Variants in FBXL20 observed in about 807,000 individuals in gnomAD.
The protein encoded by FBXL20 is F-box and leucine rich repeat protein 20, also known as F-box/LRR-repeat protein 20.
In FBXL20, 11 loss-of-function variants were observed where a neutral mutation model predicts 64.0. The ratio of observed to expected loss-of-function variants is 0.17; its 90% CI spans 0.11 to 0.28. The LOEUF (loss-of-function observed/expected upper bound fraction) is 0.28. FBXL20 is among the 10% of genes least tolerant of loss of function. The probability of loss-of-function intolerance (pLI) is 1.00; values close to 1 mark genes in which losing one functional copy is unlikely to be tolerated. For synonymous variants in FBXL20, 184 were observed against 189.0 expected (o/e 0.97, Z 0.22); for missense variants, 303 against 526.2 (o/e 0.58, Z 4.15).
Position 39,295,816 on chromosome 17 carries a change from T to C in FBXL20, c.398+1311A>G, listed in dbSNP as rs544479111. Among the ~76,000 whole-genome samples, 136 of 150,670 alleles carry C rather than the reference T, an allele frequency of 9.0e-4. No homozygotes were observed. The Middle Eastern group carries it at 0.018, about 20-fold the overall frequency. The stretch of plus-strand genomic sequence containing the variant: ...ATATATATATATATATTAAGTCTTC[T>C]GGCCCTATAAAAGGTGTATTATACA... On this transcript the variant is annotated intron_variant, in intron 6 of 14. Transcript: ENST00000264658.
chr17:39,272,068 C>T lies in FBXL20; in HGVS notation c.828-1212G>A, dbSNP rs151084801. Among the ~76,000 whole-genome samples the T allele has an allele frequency of 1.8e-4, 27 of 151,806 alleles. No individual in the cohort carries two copies. The East Asian group carries it at 2.5e-3, about 14-fold the overall frequency. ...GTTCAAGACCAGCCTGGGCAACATACCAAGACTTCACCAGTATAAAAAAAT... is the reference window on the plus strand; with the variant it reads ...GTTCAAGACCAGCCTGGGCAACATATCAAGACTTCACCAGTATAAAAAAAT... On this transcript the variant is annotated intron_variant, in intron 10 of 14. Transcript: ENST00000264658.
intron 1 of FBXL20, among the ~76,000 whole-genome samples, chr17:39,383,042 A>G (rs1395234662): frequency 6.6e-6 from 1 of 151,350 alleles, no homozygotes; most frequent in Non-Finnish European, 1.5e-5. Flanking sequence ...GTGCACCTGT[A>G]GTCCCAGCTA....
chr17:39,263,874 C>CTT (rs751141112), intron 14 of FBXL20: 102 of 159,822 alleles, frequency 6.4e-4, no homozygotes, highest in Non-Finnish European at 9.2e-4. Context: ...GTGGCATGTG[C>CTT]TTTTTTTTTT....
intron 7 of FBXL20, among the ~76,000 whole-genome samples, chr17:39,284,590 C>T (rs976867522): frequency 1.3e-5 from 2 of 151,832 alleles, no homozygotes; most frequent in Non-Finnish European, 2.9e-5. Context: ...CCCTATGTTG[C>T]GCAGGCTGGT....
At chr17:39,327,677 C>A (rs2047421285) in intron 2 of FBXL20, among the ~76,000 whole-genome samples, 1 of 152,116 alleles carries the variant, frequency 6.6e-6, no homozygotes, top group South Asian at 2.1e-4. Flanking sequence ...AATACATCTA[C>A]AACCAAACAT....
At chr17:39,271,631 G>GGGGATTGC (rs1220372192) in intron 10 of FBXL20, among the ~76,000 whole-genome samples, 55 of 151,640 alleles carry the variant, frequency 3.6e-4, no homozygotes, top group African/African-American at 1.3e-3. Context: ...AAAAGGTGGG[G>GGGGATTGC]GGGATTGCTT....
intron 2 of FBXL20, among the ~76,000 whole-genome samples, chr17:39,337,935 G>A (rs898638301): frequency 6.7e-5 from 10 of 150,016 alleles, no homozygotes; most frequent in Admixed American, 4.6e-4. Context: ...CCCCCCGCCC[G>A]GCCAGCTGCC....
Position 39,348,446 on chromosome 17 carries a change from G to A in FBXL20, c.43-5205C>T, listed in dbSNP as rs577753853. ...CTGCAGTCCAGCCTGGCGACAGAAC[G>A]AGACTCCGTCTCAAAAAAAAGAAAA... On this transcript the variant is annotated intron_variant, in intron 1 of 14. Coordinates refer to ENST00000264658, the MANE Select transcript of FBXL20 (RefSeq NM_032875.3). Among the ~76,000 whole-genome samples the A allele has an allele frequency of 2.1e-3, 306 of 147,528 alleles. 2 individuals are homozygous for A. Among genetic ancestry groups the A allele is most frequent in the African/African-American group, 7.7e-3 (294 of 38,164 alleles).
intron 12 of FBXL20, among the ~76,000 whole-genome samples, chr17:39,266,305 C>T (rs1328921360): frequency 4.6e-5 from 7 of 151,740 alleles, no homozygotes; most frequent in Admixed American, 6.6e-5. Flanking sequence ...CTGCAACCTC[C>T]ACCTCCTGGG....
At chr17:39,285,043 C>CCTG (rs2144396857) in intron 7 of FBXL20, among the ~76,000 whole-genome samples, 1 of 151,918 alleles carries the variant, frequency 6.6e-6, no homozygotes, top group East Asian at 1.9e-4. Context: ...GTAGCTGGGA[C>CCTG]TACAGGCGCA....
At chr17:39,364,757 C>A (rs1597822469) in intron 1 of FBXL20, among the ~76,000 whole-genome samples, 2 of 152,214 alleles carry the variant, frequency 1.3e-5, no homozygotes, top group African/African-American at 4.8e-5. Flanking sequence ...GATGAGAGAT[C>A]ATGTGGAGAA....
chr17:39,328,158 G>A (rs2047426167), intron 2 of FBXL20, among the ~76,000 whole-genome samples: 1 of 139,202 alleles, frequency 7.2e-6, no homozygotes, highest in Non-Finnish European at 1.5e-5. Flanking sequence ...TGCGGCAGGA[G>A]AATTGTTTGA....
At chr17:39,267,348 T>C (rs532844782) in intron 12 of FBXL20, among the ~76,000 whole-genome samples, 47 of 152,146 alleles carry the variant, frequency 3.1e-4, no homozygotes, top group South Asian at 6.2e-4. Flanking sequence ...ACCCTGTCTC[T>C]AAAAAAATCT....
intron 6 of FBXL20, among the ~76,000 whole-genome samples, chr17:39,291,431 C>CTTTTTT (rs907454529): frequency 4.3e-4 from 47 of 110,486 alleles, no homozygotes; most frequent in African/African-American, 5.0e-4. Flanking sequence ...TAAAACTTTT[C>CTTTTTT]TTTTTTTTTT....
intron 6 of FBXL20, among the ~76,000 whole-genome samples, chr17:39,293,639 A>T (rs1017141969): frequency 1.3e-5 from 2 of 152,156 alleles, no homozygotes; most frequent in South Asian, 4.1e-4. Flanking sequence ...CAGGTGTTCA[A>T]TGAATTTTCT....
intron 1 of FBXL20, among the ~76,000 whole-genome samples, chr17:39,346,843 TC>T (rs2047638164): frequency 8.3e-6 from 1 of 119,946 alleles, no homozygotes. Context: ...CTCTCCCCCC[TC>T]CCCCCACCCC....
rs1204576443 is a variant in FBXL20, at chr17:39,398,033, CGGCGGGCGGGGGG to C, written c.42+3315_42+3327del. Among the ~76,000 whole-genome samples the C allele has an allele frequency of 1.6e-3, 9 of 5,804 alleles. 1 individual carries two copies. The highest frequency in any genetic ancestry group is 2.3e-3 in the African/African-American group (2 of 884). The allele number at this position is 5,804 out of a possible 152,430, so 3.8% of individuals were successfully genotyped here. A position where few individuals can be genotyped will look rare whatever the true frequency, so the allele number is the denominator to read the frequency against. On this transcript the variant is annotated intron_variant, in intron 1 of 14. Coordinates refer to ENST00000264658, the MANE Select transcript of FBXL20 (RefSeq NM_032875.3). Reference sequence around the variant, plus strand: ...CTGTAATCCCAGCACTTTGGGAGGCCGGCGGGCGGGGGGGGGGGGGGGGTTGGATCACGAGGTC... The same window carrying C: ...CTGTAATCCCAGCACTTTGGGAGGCCGGGGGGGGGGTTGGATCACGAGGTC...
chr17:39,293,684 T>C (rs1394856292), intron 6 of FBXL20, among the ~76,000 whole-genome samples: 1 of 152,188 alleles, frequency 6.6e-6, no homozygotes, highest in Admixed American at 6.5e-5. Context: ...TCCAGCCTTA[T>C]TAAGCCCTGG....
chr17:39,286,666 C>T (rs901434076), intron 6 of FBXL20, among the ~76,000 whole-genome samples: 10 of 151,946 alleles, frequency 6.6e-5, no homozygotes, highest in African/African-American at 1.2e-4. Context: ...AGCGTGGTGG[C>T]ACATGCCTGT....
Sources: gnomAD v4.1 joint callset for allele counts (sites outside exome capture counted in the v4.1 genomes callset) on GRCh38, gnomAD v4.1.1 for gene constraint, MANE v1.5 for transcripts, NCBI Gene and HGNC (gene_info 2026-07-23, HGNC 2026-07-21) for gene names.